The following RNF212 variants were observed in gnomAD, a reference collection of about 807,000 sequenced individuals.
RNF212 encodes the protein probable E3 SUMO-protein ligase RNF212.
In RNF212, 33 loss-of-function variants were observed where a neutral mutation model predicts 34.7. That is an observed-to-expected ratio of 0.95 (90% CI 0.72 to 1.27). RNF212 has a LOEUF of 1.27. Ranked by LOEUF, RNF212 falls within the 50% of genes most tolerant of loss-of-function variation. RNF212 has a pLI of 0.00. For missense variants in RNF212, 377 were observed against 362.2 expected, an observed-to-expected ratio of 1.04 and a Z score of -0.33; for synonymous variants, 140 against 136.1, an observed-to-expected ratio of 1.03 and a Z score of -0.20.
chr4:1,058,808 C>T (rs756792573), intron 3 of RNF212, among the ~76,000 whole-genome samples: 1 of 152,164 alleles, frequency 6.6e-6, no homozygotes. Flanking sequence ...CTGCCCGTCA[C>T]GGGGGCAGCT....
chr4:1,108,442 C>G (rs1281729769), intron 1 of RNF212, 38 bp from the exon 2 acceptor site: 1 of 1,100,292 alleles, frequency 9.1e-7, no homozygotes, highest in Non-Finnish European at 1.3e-6. Context: ...ATTAGACTGA[C>G]TACTACTTTT....
downstream of RNF212, among the ~76,000 whole-genome samples, chr4:1,066,513 A>G (rs1364872076): frequency 2.0e-5 from 3 of 150,640 alleles, no homozygotes; most frequent in Admixed American, 6.6e-5. Flanking sequence ...GTTTTTTTGT[A>G]GAGATGGGGG....
intron 3 of RNF212, among the ~76,000 whole-genome samples, chr4:1,062,277 A>C (rs1382619783): frequency 6.6e-6 from 1 of 152,180 alleles, no homozygotes; most frequent in African/African-American, 2.4e-5. Context: ...AAGAAAGATC[A>C]TACACCACGA....
intron 8 of RNF212, among the ~76,000 whole-genome samples, chr4:1,076,707 C>T (rs946382576): frequency 2.6e-5 from 4 of 152,150 alleles, no homozygotes; most frequent in South Asian, 2.1e-4. Context: ...CAAGGCGTTT[C>T]GGGAGGTGAA....
In RNF212 at chr4:1,073,141, C is replaced by G; in HGVS notation, c.627G>C (p.Lys209Asn). The G allele has an allele frequency of 6.2e-7, 1 of 1,614,156 alleles. No homozygotes were observed. ...FCFIPWLTLS[K>N]PPVPGECVIS... ...TGACACACTCTCCGGGCACAGGGGG[C>G]TTAGACAAGGTCAACCATGGGATGA... is the stretch of plus-strand genomic sequence containing the variant. The change falls in exon 10 of 10, where the codon AAG becomes AAC. Residue 209 changes from lysine (K) to asparagine (N), a missense_variant. Lys to Asn is a moderately conservative substitution (Grantham distance 94). Transcript: ENST00000433731.
Position 1,072,718 on chromosome 4 carries a change from T to A in RNF212, c.*156A>T. 7.1e-7 allele frequency: 1 copy of A among 1,403,224 alleles called. No homozygotes were observed. The highest frequency in any genetic ancestry group is 9.3e-7 in the Non-Finnish European group (1 of 1,078,006). 86.9% of individuals were successfully genotyped at this position (1,403,224 alleles called of 1,614,324 possible). A position where few individuals can be genotyped will look rare whatever the true frequency, so the allele number is the denominator to read the frequency against. On this transcript the variant is annotated 3_prime_UTR_variant, in exon 10 of 10. Coordinates refer to ENST00000433731, the MANE Select transcript of RNF212 (RefSeq NM_001131034.4). ...TTGTCTCTAAAATTCAAAGGTCAAA[T>A]ATAAAATTACAAAGCAAATTGGGTA...
chr4:1,107,476 G>A (rs1433788316), intron 2 of RNF212: 3 of 147,618 alleles, frequency 2.0e-5, no homozygotes, highest in African/African-American at 7.6e-5. Context: ...TTTTTTTTGA[G>A]ACAGAGTCTC....
chr4:1,091,120 T>A (rs188267110), intron 3 of RNF212, among the ~76,000 whole-genome samples: 4 of 152,318 alleles, frequency 2.6e-5, no homozygotes, highest in Admixed American at 2.6e-4. Flanking sequence ...CAGGGTGCTG[T>A]CCCTCTGATA....
chr4:1,109,731 A>T (rs953232605), intron 1 of RNF212, among the ~76,000 whole-genome samples: 10 of 134,104 alleles, frequency 7.5e-5, no homozygotes, highest in African/African-American at 2.5e-4. Context: ...CCTCTCCTCT[A>T]GACTGACCCA....
intron 9 of RNF212, 99 bp downstream of exon 9, chr4:1,073,500 T>C (rs1266142080): frequency 2.1e-6 from 2 of 955,158 alleles, no homozygotes; most frequent in Non-Finnish European, 3.4e-6. Flanking sequence ...CAGCACCCCC[T>C]TGGGTAGGTT....
At position 1,059,517 on chromosome 4, in the gene RNF212, G is replaced by A. The variant is rs1007342864; in HGVS notation, n.148-1124C>T. On this transcript the variant is annotated intron_variant and non_coding_transcript_variant, in intron 3 of 4. Transcript: ENST00000503206. ...ATGAAAGCCAACAAATCCAGAGCCCGTGTTCAGAGCCAACCCCAAGCCTGG... is the reference window on the plus strand; with the variant it reads ...ATGAAAGCCAACAAATCCAGAGCCCATGTTCAGAGCCAACCCCAAGCCTGG... Among the ~76,000 whole-genome samples the A allele has an allele frequency of 1.0e-4, 13 of 128,868 alleles. No individual in the cohort carries two copies. The East Asian group carries it at 1.1e-3, about 11-fold the overall frequency. 84.5% of individuals were successfully genotyped at this position (128,868 alleles called of 152,430 possible). A position where few individuals can be genotyped will look rare whatever the true frequency, so the allele number is the denominator to read the frequency against.
intron 3 of RNF212, among the ~76,000 whole-genome samples, chr4:1,095,305 C>A (rs1722902577): frequency 1.2e-5 from 1 of 81,812 alleles, no homozygotes; most frequent in South Asian, 4.2e-4. Flanking sequence ...CGGGATAGCG[C>A]ACCTGGCTCA....
chr4:1,093,866 G>T, intron 3 of RNF212: 1 of 1,536,240 alleles, frequency 6.5e-7, no homozygotes, highest in Non-Finnish European at 8.7e-7. Flanking sequence ...CCGGCATCCT[G>T]GTCTGGGTGC....
chr4:1,064,668 T>G (rs1171013688), intron 3 of RNF212, among the ~76,000 whole-genome samples: 2 of 152,200 alleles, frequency 1.3e-5, no homozygotes, highest in Admixed American at 1.3e-4. Flanking sequence ...GTTTCCTACC[T>G]TAACCATTTT....
At chr4:1,106,670 C>T (rs1577830246) in intron 2 of RNF212, among the ~76,000 whole-genome samples, 1 of 152,238 alleles carries the variant, frequency 6.6e-6, no homozygotes, top group Non-Finnish European at 1.5e-5. Flanking sequence ...ACATTCCACT[C>T]AAGCTAGAGA....
intron 2 of RNF212, among the ~76,000 whole-genome samples, chr4:1,106,249 TACACAC>T (rs35166968): frequency 0.04 from 5,816 of 145,862 alleles, 137 homozygotes; most frequent in African/African-American, 0.074. Context: ...CAATTTTACT[TACACAC>T]ACACACACAC....
At chr4:1,058,147 T>A (rs1717459325) in intron 4 of RNF212, among the ~76,000 whole-genome samples, 1 of 152,172 alleles carries the variant, frequency 6.6e-6, no homozygotes, top group South Asian at 2.1e-4. Context: ...AAGCAACATA[T>A]TAAATTTTTA....
At chr4:1,100,958 G>A (rs995208118) in intron 2 of RNF212, 8 of 177,774 alleles carry the variant, frequency 4.5e-5, no homozygotes, top group Admixed American at 5.4e-5. Flanking sequence ...GGAATTCTGC[G>A]GCTGAAATCA....
At chr4:1,093,792 G>C in intron 3 of RNF212, 2 of 1,536,154 alleles carry the variant, frequency 1.3e-6, no homozygotes, top group South Asian at 1.2e-5. Context: ...GGATGGAGCA[G>C]GGTGAGGGGG....
Sources: gnomAD v4.1 joint callset for allele counts (sites outside exome capture counted in the v4.1 genomes callset) on GRCh38, gnomAD v4.1.1 for gene constraint, MANE v1.5 for transcripts, NCBI Gene and HGNC (gene_info 2026-07-23, HGNC 2026-07-21) for gene names.